Variants in FCHSD2 observed in about 807,000 individuals in gnomAD.
The protein encoded by FCHSD2 is F-BAR and double SH3 domains protein 2.
A neutral mutation model predicts 108.1 loss-of-function variants in FCHSD2; 38 were observed. The ratio of observed to expected loss-of-function variants is 0.35; its 90% CI spans 0.27 to 0.46. FCHSD2 has a LOEUF of 0.46. Among genes scored for constraint, FCHSD2 ranks in the 20% least tolerant of loss-of-function variants. The pLI is 1.00. For missense variants in FCHSD2, 751 were observed against 897.8 expected, an observed-to-expected ratio of 0.84 and a Z score of 2.09; for synonymous variants, 279 against 314.7, an observed-to-expected ratio of 0.89 and a Z score of 1.20.
chr11:72,883,931 CA>C (rs34998210), intron 12 of FCHSD2, among the ~76,000 whole-genome samples: 6,492 of 74,536 alleles, frequency 0.087, 324 homozygotes, highest in African/African-American at 0.24. Flanking sequence ...GACCGTGTCT[CA>C]AAAAAAAAAA....
intron 3 of FCHSD2, among the ~76,000 whole-genome samples, chr11:73,062,968 C>T (rs1443682277): frequency 6.6e-6 from 1 of 152,102 alleles, no homozygotes; most frequent in Non-Finnish European, 1.5e-5. Context: ...AGAAGAGCAA[C>T]CCTAAGACAC....
At chr11:72,965,534 T>C (rs753056969) in intron 8 of FCHSD2, among the ~76,000 whole-genome samples, 2 of 152,356 alleles carry the variant, frequency 1.3e-5, no homozygotes, top group Non-Finnish European at 2.9e-5. Context: ...ACTGCCATTA[T>C]AGTATTTTTT....
intron 4 of FCHSD2, among the ~76,000 whole-genome samples, chr11:73,013,508 T>C (rs181082910): frequency 2.6e-5 from 4 of 152,318 alleles, no homozygotes; most frequent in East Asian, 1.9e-4. Context: ...TGACATGTAG[T>C]AGGTATTTCA....
At chr11:72,915,532 G>C (rs1340774086) in intron 9 of FCHSD2, among the ~76,000 whole-genome samples, 1 of 152,082 alleles carries the variant, frequency 6.6e-6, no homozygotes, top group African/African-American at 2.4e-5. Context: ...TATAGAAAAT[G>C]TGGTACATGG....
intron 6 of FCHSD2, among the ~76,000 whole-genome samples, chr11:72,986,943 T>C (rs1034357377): frequency 1.3e-5 from 2 of 152,218 alleles, no homozygotes; most frequent in African/African-American, 4.8e-5. Context: ...TCATCTATTC[T>C]ATATACTATG....
At chr11:72,912,185 A>G (rs1472547409) in intron 9 of FCHSD2, among the ~76,000 whole-genome samples, 1 of 152,208 alleles carries the variant, frequency 6.6e-6, no homozygotes, top group Admixed American at 6.5e-5. Context: ...ACTATGTTGA[A>G]CAACAGTGGT....
intron 3 of FCHSD2, 31 bp from the exon 4 acceptor site, chr11:73,015,916 A>G: frequency 8.0e-7 from 1 of 1,244,730 alleles, no homozygotes; most frequent in African/African-American, 1.5e-5. Flanking sequence ...TTTCTAAAAT[A>G]AATATTATGC....
At chr11:72,916,733 T>C (rs1454358849) in intron 9 of FCHSD2, among the ~76,000 whole-genome samples, 1 of 152,248 alleles carries the variant, frequency 6.6e-6, no homozygotes, top group East Asian at 1.9e-4. Context: ...TCTCATCATT[T>C]GGGTTGATTT....
chr11:73,089,462 C>T (rs1030108475), intron 2 of FCHSD2, among the ~76,000 whole-genome samples: 16 of 152,120 alleles, frequency 1.1e-4, no homozygotes, highest in Non-Finnish European at 4.4e-5. Context: ...AAACACATGT[C>T]CACACAAAAA....
chr11:73,041,252 A>G (rs1858630565), intron 3 of FCHSD2, among the ~76,000 whole-genome samples: 1 of 152,184 alleles, frequency 6.6e-6, no homozygotes, highest in Non-Finnish European at 1.5e-5. Flanking sequence ...TCCAGTAATG[A>G]GATTGCTGGA....
intron 12 of FCHSD2, among the ~76,000 whole-genome samples, chr11:72,872,656 T>C (rs747506216): frequency 2.0e-5 from 3 of 152,188 alleles, no homozygotes; most frequent in Non-Finnish European, 4.4e-5. Flanking sequence ...TAACATTCTA[T>C]TGTATGGATA....
chr11:73,086,937 G>C (rs1565403655), intron 2 of FCHSD2, among the ~76,000 whole-genome samples: 2 of 152,190 alleles, frequency 1.3e-5, no homozygotes, highest in African/African-American at 4.8e-5. Flanking sequence ...ATTATGCAAG[G>C]TGAAATAAGT....
chr11:73,045,496 T>C lies in FCHSD2; in HGVS notation c.166-29611A>G, dbSNP rs966962089. On this transcript the variant is annotated intron_variant, in intron 3 of 19. Coordinates refer to ENST00000409418, the MANE Select transcript of FCHSD2 (RefSeq NM_014824.3). ...ATGTTTATTGTGGCACTATTCACCA[T>C]AGCAGAGACTTGGAACCAACCCAGA... Among the ~76,000 whole-genome samples the C allele has an allele frequency of 2.4e-4, 37 of 152,086 alleles. 1 individual carries two copies. Among genetic ancestry groups the C allele is most frequent in the African/African-American group, 8.2e-4 (34 of 41,372 alleles).
At chr11:73,013,452 C>A (rs1487544140) in intron 4 of FCHSD2, among the ~76,000 whole-genome samples, 1 of 152,210 alleles carries the variant, frequency 6.6e-6, no homozygotes, top group Non-Finnish European at 1.5e-5. Context: ...AAAGGACAGA[C>A]AACATATCTT....
chr11:73,114,228 G>A (rs1218262543), intron 2 of FCHSD2, among the ~76,000 whole-genome samples: 1 of 151,976 alleles, frequency 6.6e-6, no homozygotes, highest in Non-Finnish European at 1.5e-5. Flanking sequence ...CAGAACCACA[G>A]AGGGTACTGC....
intron 3 of FCHSD2, among the ~76,000 whole-genome samples, chr11:73,042,592 A>C (rs886287818): frequency 2.0e-5 from 3 of 152,160 alleles, no homozygotes; most frequent in African/African-American, 7.2e-5. Context: ...ATTTCTATGA[A>C]GAATGTCACT....
chr11:73,121,468 T>G (rs1860733404), intron 2 of FCHSD2, among the ~76,000 whole-genome samples: 1 of 152,178 alleles, frequency 6.6e-6, no homozygotes, highest in Non-Finnish European at 1.5e-5. Flanking sequence ...TTAAAAGTTG[T>G]GATCTTAGAC....
intron 8 of FCHSD2, among the ~76,000 whole-genome samples, chr11:72,950,196 T>C (rs1356166834): frequency 6.6e-6 from 1 of 152,226 alleles, no homozygotes; most frequent in African/African-American, 2.4e-5. Context: ...CTGGGTTATT[T>C]GTTTTTATTG....
At chr11:73,054,983 G>C (rs553640436) in intron 3 of FCHSD2, among the ~76,000 whole-genome samples, 6 of 152,272 alleles carry the variant, frequency 3.9e-5, no homozygotes, top group Non-Finnish European at 7.4e-5. Flanking sequence ...TTTATAAAAA[G>C]AGGTTTAATG....
Sources: allele counts gnomAD v4.1 joint callset (sites outside exome capture counted in the v4.1 genomes callset), GRCh38; gene constraint gnomAD v4.1.1; transcripts MANE v1.5; gene names NCBI Gene and HGNC (gene_info 2026-07-23, HGNC 2026-07-21).